The following NAA35 variants were observed in gnomAD, a reference collection of about 807,000 sequenced individuals.
NAA35 encodes MAK10 homolog, amino-acid N-acetyltransferase subunit.
In NAA35, 18 loss-of-function variants were observed where a neutral mutation model predicts 101.7. The observed-to-expected ratio is 0.18, with a 90% CI of 0.12 to 0.26. The LOEUF (loss-of-function observed/expected upper bound fraction) is 0.26. Among genes scored for constraint, NAA35 ranks in the 10% least tolerant of loss-of-function variants. The pLI is 1.00. For synonymous variants in NAA35, 267 were observed against 273.1 expected (o/e 0.98, Z 0.22); for missense variants, 601 against 886.8 (o/e 0.68, Z 4.09).
chr9:85,995,112 G>T (rs963018737), intron 11 of NAA35, among the ~76,000 whole-genome samples: 7 of 151,932 alleles, frequency 4.6e-5, no homozygotes, highest in African/African-American at 1.2e-4. Flanking sequence ...GACCTAACAG[G>T]AATTGTAGTA....
chr9:85,971,977 T>C (rs531159818), intron 6 of NAA35, among the ~76,000 whole-genome samples: 1 of 152,262 alleles, frequency 6.6e-6, no homozygotes, highest in African/African-American at 2.4e-5. Context: ...TGTCCTCAAG[T>C]CCACAAATCT....
chr9:85,980,554 C>T (rs991830801), intron 11 of NAA35, among the ~76,000 whole-genome samples: 4 of 152,240 alleles, frequency 2.6e-5, no homozygotes, highest in African/African-American at 9.6e-5. Context: ...TCACTGCATT[C>T]ATACAGGCCT....
chr9:85,984,125 C>T (rs1404382180), intron 11 of NAA35, among the ~76,000 whole-genome samples: 1 of 151,350 alleles, frequency 6.6e-6, no homozygotes, highest in Non-Finnish European at 1.5e-5. Flanking sequence ...GCCAGGAATT[C>T]AAAACCAGCC....
intron 2 of NAA35, among the ~76,000 whole-genome samples, chr9:85,952,683 T>C (rs1469854661): frequency 2.6e-5 from 4 of 152,154 alleles, no homozygotes; most frequent in Non-Finnish European, 4.4e-5. Flanking sequence ...TTTAAAAACT[T>C]ATACAAGGTT....
At chr9:85,959,059 A>C (rs1009838586) in intron 4 of NAA35, among the ~76,000 whole-genome samples, 3 of 152,136 alleles carry the variant, frequency 2.0e-5, no homozygotes, top group Admixed American at 6.6e-5. Context: ...TAGTTAACCA[A>C]CTTAAGTGAA....
At chr9:86,013,230 T>C (rs1832036233) in intron 16 of NAA35, 86 bp downstream of exon 16, 1 of 746,348 alleles carries the variant, frequency 1.3e-6, no homozygotes, top group East Asian at 2.8e-5. Context: ...CAGAACAATA[T>C]TTTGACTAAT....
intron 15 of NAA35, among the ~76,000 whole-genome samples, chr9:86,012,415 C>G (rs528798064): frequency 6.6e-6 from 1 of 152,280 alleles, no homozygotes; most frequent in East Asian, 1.9e-4. Context: ...ACCCAACTTT[C>G]CACTCTCTAA....
chr9:85,989,670 G>C (rs933032058), intron 11 of NAA35, among the ~76,000 whole-genome samples: 7 of 152,170 alleles, frequency 4.6e-5, no homozygotes, highest in African/African-American at 1.4e-4. Flanking sequence ...AGCCTACTGA[G>C]ACATAAATGG....
At chr9:85,944,954 T>C (rs1587546236) in intron 2 of NAA35, among the ~76,000 whole-genome samples, 2 of 152,174 alleles carry the variant, frequency 1.3e-5, no homozygotes, top group Non-Finnish European at 2.9e-5. Context: ...ACTATAAAGG[T>C]CCTCTTAATT....
At chr9:86,017,288 A>C (rs986406075) in intron 18 of NAA35, among the ~76,000 whole-genome samples, 2 of 152,228 alleles carry the variant, frequency 1.3e-5, no homozygotes, top group African/African-American at 4.8e-5. Context: ...TTTATACTGG[A>C]ATTTTATAGT....
intron 15 of NAA35, 26 bp downstream of exon 15, chr9:86,009,957 T>C (rs369921403): frequency 4.4e-6 from 7 of 1,576,496 alleles, no homozygotes; most frequent in Non-Finnish European, 6.1e-6. Context: ...TGGATTGTCA[T>C]AATGGGTACT....
intron 6 of NAA35, among the ~76,000 whole-genome samples, chr9:85,973,221 G>A (rs981726159): frequency 6.6e-6 from 1 of 152,224 alleles, no homozygotes; most frequent in African/African-American, 2.4e-5. Context: ...TAAAGTTGGC[G>A]AGGGAGACCG....
intron 1 of NAA35, chr9:85,941,611 C>T (rs1828519504): frequency 7.1e-6 from 7 of 986,088 alleles, no homozygotes; most frequent in Non-Finnish European, 6.0e-6. Context: ...CTCAGGTGTG[C>T]CTCGGCCCTA....
chr9:86,015,066 T>G (rs1164488832), intron 17 of NAA35, among the ~76,000 whole-genome samples: 1 of 152,184 alleles, frequency 6.6e-6, no homozygotes, highest in African/African-American at 2.4e-5. Flanking sequence ...ACCTGGCTAC[T>G]TTTGTTCCTT....
intron 11 of NAA35, among the ~76,000 whole-genome samples, chr9:85,982,588 A>G (rs951986419): frequency 9.8e-5 from 15 of 152,300 alleles, no homozygotes; most frequent in Middle Eastern, 6.8e-3. Context: ...ACAGTTGCCA[A>G]TGGAAATAAT....
chr9:85,955,892 C>T (rs1829254605), intron 2 of NAA35, among the ~76,000 whole-genome samples: 1 of 152,148 alleles, frequency 6.6e-6, no homozygotes, highest in African/African-American at 2.4e-5. Flanking sequence ...TTTTGATTAC[C>T]TGTTTACTCA....
intron 18 of NAA35, among the ~76,000 whole-genome samples, chr9:86,017,074 C>T (rs1832263555): frequency 1.3e-5 from 2 of 152,218 alleles, no homozygotes; most frequent in Admixed American, 1.3e-4. Context: ...CACCCAAGAA[C>T]CATGAGGACA....
chr9:85,977,987 T>G (rs543499391), intron 10 of NAA35, among the ~76,000 whole-genome samples: 2 of 152,128 alleles, frequency 1.3e-5, no homozygotes, highest in South Asian at 4.1e-4. Context: ...GAAAATTTTT[T>G]CATTTTCTAG....
At chr9:85,956,043 TG>T (rs1829260178) in intron 2 of NAA35, among the ~76,000 whole-genome samples, 1 of 152,230 alleles carries the variant, frequency 6.6e-6, no homozygotes, top group South Asian at 2.1e-4. Flanking sequence ...AAAGTTTACT[TG>T]GCGAAATATA....
Sources: allele counts gnomAD v4.1 joint callset (sites outside exome capture counted in the v4.1 genomes callset), GRCh38; gene constraint gnomAD v4.1.1; transcripts MANE v1.5; gene names NCBI Gene and HGNC (gene_info 2026-07-23, HGNC 2026-07-21).